The following TNRC18 variants were observed in gnomAD, a reference collection of about 807,000 sequenced individuals.
The protein encoded by TNRC18 is trinucleotide repeat-containing gene 18 protein.
Under a neutral mutation model 226.7 loss-of-function variants are expected in TNRC18, and 69 were observed. That is an observed-to-expected ratio of 0.30 (90% CI 0.25 to 0.37). The LOEUF (loss-of-function observed/expected upper bound fraction) is 0.37, where lower values mean the gene tolerates loss of function less well. TNRC18 is among the 10% of genes least tolerant of loss of function. The pLI, the probability that TNRC18 is intolerant of heterozygous loss-of-function variation, is 1.00. For missense variants in TNRC18, 4,754 were observed against 4,256.6 expected (o/e 1.12, Z -3.25); for synonymous variants, 2,449 against 1,927.6 (o/e 1.27, Z -7.09).
At chr7:5,340,953 G>A (rs1455317394) in intron 18 of TNRC18, among the ~76,000 whole-genome samples, 2 of 152,160 alleles carry the variant, frequency 1.3e-5, no homozygotes, top group African/African-American at 2.4e-5. Context: ...CATAGCTAGA[G>A]AGGAGAAGTC....
At chr7:5,396,461 T>C (rs369126775) in intron 2 of TNRC18, among the ~76,000 whole-genome samples, 1 of 152,100 alleles carries the variant, frequency 6.6e-6, no homozygotes, top group South Asian at 2.1e-4. Flanking sequence ...GCTGGGAGAC[T>C]GCAGTGAGCT....
In TNRC18 at chr7:5,357,235, C is replaced by G. The variant is rs200950320; in HGVS notation, c.4875G>C (p.Gln1625His). The G allele has an allele frequency of 5.7e-5, 92 of 1,612,712 alleles. No homozygotes were observed. The highest frequency in any genetic ancestry group is 7.5e-5 in the Non-Finnish European group (88 of 1,179,458). ...KKKKMASDQEQLASKLDKALS... is the reference protein window; with the variant it reads ...KKKKMASDQEHLASKLDKALS... Reference sequence around the variant, plus strand: ...GGGCCTTGTCGAGCTTGCTTGCCAACTGCTCCTGGTCGCTGGCCATCTTCT... The same window carrying G: ...GGGCCTTGTCGAGCTTGCTTGCCAAGTGCTCCTGGTCGCTGGCCATCTTCT... Residue 1625 changes from glutamine (Q) to histidine (H), a missense_variant, in exon 16 of 30, where the codon CAG becomes CAC. Coordinates refer to ENST00000430969, the MANE Select transcript of TNRC18 (RefSeq NM_001080495.3).
chr7:5,335,995 T>C (rs1790070068), intron 18 of TNRC18, among the ~76,000 whole-genome samples: 1 of 151,508 alleles, frequency 6.6e-6, no homozygotes, highest in East Asian at 2.0e-4. Context: ...TCACTTGAGG[T>C]GAGGAGTTTG....
rs760948933 is a variant in TNRC18, at chr7:5,309,141, G to T, written c.8616C>A (p.His2872Gln). The change falls in exon 28 of 30, where the codon CAC (histidine) becomes CAA (glutamine). Residue 2872 changes from histidine (H) to glutamine (Q), a missense_variant. Physicochemically the swap from His to Gln is conservative, Grantham distance 24 (BLOSUM62 0). Coordinates refer to ENST00000430969, the MANE Select transcript of TNRC18 (RefSeq NM_001080495.3). This position sits in a 1 kb window ranked among gnomAD's most constrained non-coding sequence, Gnocchi z 5.7. ...PEETSPGKQF[H>Q]QGQHWDQKSS... is the part of the protein sequence containing the mutation. ...CGGGCCGCAGGCTCACCTGGCCCTG[G>T]TGGAACTGCTTGCCCGGGCTGGTCT... is the stretch of plus-strand genomic sequence containing the variant. 2 of 1,609,378 alleles carry T rather than the reference G, an allele frequency of 1.2e-6. No homozygotes were observed. The highest frequency in any genetic ancestry group is 3.4e-5 in the Admixed American group (2 of 59,600).
rs200928367 is a variant in TNRC18 at position 5,361,610 on chromosome 7, C to A, written c.4645G>T (p.Gly1549Cys). The A allele has an allele frequency of 2.0e-6, 3 of 1,537,552 alleles. No individual in the cohort carries two copies. The highest frequency in any genetic ancestry group is 2.6e-6 in the Non-Finnish European group (3 of 1,142,608). Reference protein sequence around the residue: ...LSPPRKRGKSGHSSGKLSSKS... With the variant: ...LSPPRKRGKSCHSSGKLSSKS... ...CAGCCTTACTTTCCGCTACTGTGGC[C>A]GCTCTTCCCTCTCTTGCGGGGGGGC... The change falls in exon 14 of 30, where the codon GGC (glycine) becomes TGC (cysteine). Residue 1549 changes from glycine (G) to cysteine (C), a missense_variant. Coordinates refer to ENST00000430969, the MANE Select transcript of TNRC18 (RefSeq NM_001080495.3).
chr7:5,315,369 A>G (rs758322785), intron 25 of TNRC18, among the ~76,000 whole-genome samples: 18 of 151,158 alleles, frequency 1.2e-4, no homozygotes, highest in South Asian at 4.2e-4. Flanking sequence ...AAAACAAAGC[A>G]CTTTGTGGAA....
chr7:5,411,275 A>G (rs1460883272), intron 2 of TNRC18, among the ~76,000 whole-genome samples: 1 of 151,954 alleles, frequency 6.6e-6, no homozygotes, highest in Non-Finnish European at 1.5e-5. Context: ...AGGTTCATAC[A>G]CAAAGATCAG....
chr7:5,309,044 G>A lies in TNRC18; in HGVS notation c.8625+88C>T, dbSNP rs374555970. 18 of 1,502,114 alleles carry A rather than the reference G, an allele frequency of 1.2e-5. No individual in the cohort carries two copies. The highest frequency in any genetic ancestry group is 7.3e-5 in the East Asian group (3 of 41,094). 93.0% of individuals were successfully genotyped at this position (1,502,114 alleles called of 1,614,324 possible). A position where few individuals can be genotyped will look rare whatever the true frequency, so the allele number is the denominator to read the frequency against. ...CAGGGCTGACCCACTGGGCAGGGCT[G>A]CTGATGCTCCAGCACCCAGAACGCC... On this transcript the variant is annotated intron_variant, in intron 28 of 29. Transcript: ENST00000430969. The surrounding 1 kb of genome is among the most constrained non-coding windows in gnomAD (Gnocchi z 5.7).
chr7:5,329,883 T>C, intron 19 of TNRC18: 1 of 469,776 alleles, frequency 2.1e-6, no homozygotes, highest in Middle Eastern at 3.3e-4. Context: ...ATTCCTGGCA[T>C]CTGAACAGCT....
In TNRC18 at chr7:5,423,484, C is replaced by T. The variant is rs909741322; in HGVS notation, c.-287G>A. On this transcript the variant is annotated 5_prime_UTR_variant, in exon 1 of 30. Transcript: ENST00000430969. Reference sequence around the variant, plus strand: ...CGGCTCCAGGCTCCGGCGACAACGACTCCGGCGGCGGCCCCGGCTCCCGGC... The same window carrying T: ...CGGCTCCAGGCTCCGGCGACAACGATTCCGGCGGCGGCCCCGGCTCCCGGC... The T allele has an allele frequency of 6.6e-6, 1 of 152,124 alleles. No individual in the cohort carries two copies. Among genetic ancestry groups the T allele is most frequent in the African/African-American group, 2.4e-5 (1 of 41,444 alleles). 9.4% of individuals were successfully genotyped at this position (152,124 alleles called of 1,614,324 possible). A position where few individuals can be genotyped will look rare whatever the true frequency, so the allele number is the denominator to read the frequency against.
At chr7:5,392,136 G>A (rs989464002) in intron 3 of TNRC18, among the ~76,000 whole-genome samples, 1 of 152,018 alleles carries the variant, frequency 6.6e-6, no homozygotes, top group African/African-American at 2.4e-5. Flanking sequence ...AAACAAAAGG[G>A]CTACCCGATA....
rs1562514144 is a variant in TNRC18, at chr7:5,339,540, A to AGT, written c.5719+6021_5719+6022insAC. On this transcript the variant is annotated intron_variant, in intron 18 of 29. Coordinates refer to ENST00000430969, the MANE Select transcript of TNRC18 (RefSeq NM_001080495.3). ...CAGGCGCGAGCTATCGTGCCCAGCC[A>AGT]ATGTGTGTGTGTGTGTGTGTGTGTG... Among the ~76,000 whole-genome samples the AGT allele has an allele frequency of 4.6e-4, 44 of 95,524 alleles. 1 individual carries two copies. The highest frequency in any genetic ancestry group is 1.9e-3 in the African/African-American group (41 of 21,260). The allele number at this position is 95,524 out of a possible 152,430, so 62.7% of individuals were successfully genotyped here. A position where few individuals can be genotyped will look rare whatever the true frequency, so the allele number is the denominator to read the frequency against.
At chr7:5,417,669 G>C (rs1376189923) in intron 2 of TNRC18, among the ~76,000 whole-genome samples, 6 of 152,170 alleles carry the variant, frequency 3.9e-5, no homozygotes, top group Non-Finnish European at 2.9e-5. Flanking sequence ...ATGAGCAAGT[G>C]AGGAAAGAAG....
At position 5,371,108 on chromosome 7, in the gene TNRC18, C is replaced by T. The variant is rs1235435566; in HGVS notation, c.3486G>A (p.Val1162=). The T allele has an allele frequency of 1.2e-6, 2 of 1,612,620 alleles. No individual in the cohort carries two copies. The part of the protein sequence containing the change: ...PLAEREVKAE[V]EDMDEGPTEL... ...CTGTGGGGCCCTCGTCCATGTCCTC[C>T]ACCTCTGCCTTCACCTCCCGCTCAG... The change falls in exon 11 of 30, where the codon GTG becomes GTA. Residue 1162 remains valine (V), a synonymous_variant. Coordinates refer to ENST00000430969, the MANE Select transcript of TNRC18 (RefSeq NM_001080495.3).
chr7:5,321,957 C>A (rs1265689849), intron 21 of TNRC18, among the ~76,000 whole-genome samples: 1 of 151,914 alleles, frequency 6.6e-6, no homozygotes, highest in Non-Finnish European at 1.5e-5. Context: ...CGGTGTGAGC[C>A]ACCGTGCCCG....
intron 18 of TNRC18, among the ~76,000 whole-genome samples, chr7:5,343,518 G>A (rs1162796279): frequency 6.6e-6 from 1 of 152,162 alleles, no homozygotes; most frequent in Non-Finnish European, 1.5e-5. Context: ...GACCTCCCGA[G>A]CTCCAGTGAT....
intron 17 of TNRC18, among the ~76,000 whole-genome samples, chr7:5,349,021 G>A (rs1791504814): frequency 6.6e-6 from 1 of 152,186 alleles, no homozygotes; most frequent in South Asian, 2.1e-4. Context: ...TTCCCTTCTA[G>A]CCACTCAGGT....
intron 2 of TNRC18, among the ~76,000 whole-genome samples, chr7:5,416,994 T>A (rs10275750): frequency 0.35 from 8,809 of 25,414 alleles, 859 homozygotes; most frequent in African/African-American, 0.49. Context: ...AAAAAAAAAA[T>A]TTTTTTTTAA....
intron 2 of TNRC18, among the ~76,000 whole-genome samples, chr7:5,415,327 C>T (rs952633649): frequency 1.3e-5 from 2 of 151,400 alleles, no homozygotes; most frequent in African/African-American, 2.4e-5. Flanking sequence ...TCAGACCAGA[C>T]CAGACCTTTA....
Sources: gnomAD v4.1 joint callset for allele counts (sites outside exome capture counted in the v4.1 genomes callset) on GRCh38, gnomAD v4.1.1 for gene constraint, Gnocchi (gnomAD v3.1) non-coding constraint, MANE v1.5 for transcripts, NCBI Gene and HGNC (gene_info 2026-07-23, HGNC 2026-07-21) for gene names.